Variants in LRP5 observed in about 807,000 individuals in gnomAD.
LRP5 encodes LDL receptor related protein 5, also known as low-density lipoprotein receptor-related protein 5.
In LRP5, 62 loss-of-function variants were observed where a neutral mutation model predicts 154.1. The ratio of observed to expected loss-of-function variants is 0.40; its 90% CI spans 0.33 to 0.50. The LOEUF (loss-of-function observed/expected upper bound fraction) is 0.50. Among genes scored for constraint, LRP5 ranks in the 20% least tolerant of loss-of-function variants. The probability of loss-of-function intolerance (pLI) is 0.55; values close to 1 mark genes in which losing one functional copy is unlikely to be tolerated. For synonymous variants in LRP5, 966 were observed against 1,011.5 expected (o/e 0.96, Z 0.85); for missense variants, 1,915 against 2,336.7 (o/e 0.82, Z 3.72).
chr11:68,402,515 A>T (rs2153162302), intron 7 of LRP5, among the ~76,000 whole-genome samples: 1 of 152,260 alleles, frequency 6.6e-6, no homozygotes, highest in Non-Finnish European at 1.5e-5. Context: ...GCGGGAAATG[A>T]GTTCACAGAG....
At chr11:68,299,675 T>C in the LRP5 span, among the ~76,000 whole-genome samples, 1 of 149,090 alleles carries the variant, frequency 6.7e-6, no homozygotes, top group African/African-American at 2.5e-5. Context: ...CTCCAGGTCA[T>C]GGGTTCAAGC....
intron 3 of LRP5, among the ~76,000 whole-genome samples, chr11:68,361,553 T>C (rs1468802252): frequency 6.2e-5 from 9 of 145,976 alleles, no homozygotes; most frequent in East Asian, 2.1e-4. Context: ...AGGAGAATGG[T>C]GTGAACCCGG....
chr11:68,438,967 T>C (rs1477595990), intron 20 of LRP5, among the ~76,000 whole-genome samples: 1 of 152,180 alleles, frequency 6.6e-6, no homozygotes, highest in Non-Finnish European at 1.5e-5. Context: ...TGCTGTGTTG[T>C]CCACAAATCC....
chr11:68,337,570 C>T (rs1298196154), intron 1 of LRP5, among the ~76,000 whole-genome samples: 1 of 151,774 alleles, frequency 6.6e-6, no homozygotes, highest in African/African-American at 2.4e-5. Flanking sequence ...ACAGCCAGGT[C>T]TACCCACAGT....
intron 18 of LRP5, 84 bp downstream of exon 18, chr11:68,433,922 G>A: frequency 7.6e-7 from 1 of 1,313,238 alleles, no homozygotes; most frequent in Non-Finnish European, 1.1e-6. Context: ...CGGCCTCACA[G>A]GAGTAGGGGC....
chr11:68,431,884 T>TG (rs3837372), intron 17 of LRP5, among the ~76,000 whole-genome samples: 88,963 of 152,096 alleles, frequency 0.58, 29,035 homozygotes, highest in South Asian at 0.78. Context: ...GCCTGGGCCC[T>TG]GGCCCTCCTG....
At chr11:68,313,947 G>A (rs1012155065) in intron 1 of LRP5, among the ~76,000 whole-genome samples, 1 of 152,218 alleles carries the variant, frequency 6.6e-6, no homozygotes, top group African/African-American at 2.4e-5. Flanking sequence ...GGGAACAGGA[G>A]GAGCTTGGAG....
Position 68,426,003 on chromosome 11 carries a change from C to T in LRP5, c.3453C>T (p.Asp1151=), listed in dbSNP as rs147175387. 1.1e-4 allele frequency: 181 copies of T among 1,612,564 alleles called. No homozygotes were observed. Among genetic ancestry groups the T allele is most frequent in the Middle Eastern group, 6.6e-4 (4 of 6,062 alleles). Reference sequence around the variant, plus strand: ...GGGCCAACCGCCTGACCCTGGAGGACGCCAACATCGTGCAGCCTCTGGGCC... The same window carrying T: ...GGGCCAACCGCCTGACCCTGGAGGATGCCAACATCGTGCAGCCTCTGGGCC... ...LSGANRLTLE[D]ANIVQPLGLT... Residue 1151 remains aspartate (D), a synonymous_variant, in exon 16 of 23, where the codon GAC becomes GAT. Coordinates refer to ENST00000294304, the MANE Select transcript of LRP5 (RefSeq NM_002335.4).
intron 1 of LRP5, among the ~76,000 whole-genome samples, chr11:68,317,867 C>T (rs1335923469): frequency 6.6e-6 from 1 of 152,086 alleles, no homozygotes; most frequent in Non-Finnish European, 1.5e-5. Flanking sequence ...AGAGGTTCCG[C>T]CACAGGGACA....
chr11:68,334,059 C>A (rs1476809005), intron 1 of LRP5, among the ~76,000 whole-genome samples: 1 of 152,120 alleles, frequency 6.6e-6, no homozygotes, highest in African/African-American at 2.4e-5. Context: ...CATGGTGAAA[C>A]CCCATCTCTA....
chr11:68,417,780 C>T (rs1423687670), intron 13 of LRP5, among the ~76,000 whole-genome samples: 1 of 151,340 alleles, frequency 6.6e-6, no homozygotes, highest in African/African-American at 2.4e-5. Context: ...ACTGAATATA[C>T]AAAAATCAGC....
chr11:68,416,639 G>A (rs1317823829), intron 13 of LRP5, 112 bp downstream of exon 13: 2 of 1,009,798 alleles, frequency 2.0e-6, no homozygotes, highest in Non-Finnish European at 3.0e-6. Flanking sequence ...GGATGGCTCT[G>A]GGTGAATGAT....
rs188857585 is a variant in LRP5, at chr11:68,331,895, G to A, written c.92-15952G>A. Among the ~76,000 whole-genome samples the A allele has an allele frequency of 4.6e-5, 7 of 152,254 alleles. No individual in the cohort carries two copies. In the South Asian group the frequency reaches 6.2e-4, roughly 14 times the overall value. On this transcript the variant is annotated intron_variant, in intron 1 of 22. Coordinates refer to ENST00000294304, the MANE Select transcript of LRP5 (RefSeq NM_002335.4). ...CAGGTTCCAGGTTGCATTGAGAGCC[G>A]AAGCTGGTGAGTGTGAGGCGGGCAG...
intron 16 of LRP5, among the ~76,000 whole-genome samples, chr11:68,427,804 C>T (rs987266351): frequency 6.6e-6 from 1 of 152,118 alleles, no homozygotes; most frequent in Admixed American, 6.6e-5. Context: ...GGGAACAGAG[C>T]GTCTTCTGTC....
upstream of LRP5, among the ~76,000 whole-genome samples, chr11:68,309,232 C>CCT (rs1565306660): frequency 7.0e-6 from 1 of 143,282 alleles, no homozygotes; most frequent in Non-Finnish European, 1.5e-5. Context: ...CTCATCTGGC[C>CCT]TTTTTTTTCT....
intron 5 of LRP5, among the ~76,000 whole-genome samples, chr11:68,382,306 T>C (rs903423652): frequency 6.6e-6 from 1 of 152,126 alleles, no homozygotes; most frequent in African/African-American, 2.4e-5. Flanking sequence ...TAGGGCTGGG[T>C]GTGCTCAGCC....
intron 1 of LRP5, among the ~76,000 whole-genome samples, chr11:68,336,459 C>T (rs2153122787): frequency 1.3e-5 from 2 of 152,166 alleles, no homozygotes; most frequent in South Asian, 4.2e-4. Flanking sequence ...TTTGCATTTA[C>T]CTATTTTTAT....
At chr11:68,361,719 G>T (rs2098628233) in intron 3 of LRP5, among the ~76,000 whole-genome samples, 1 of 152,182 alleles carries the variant, frequency 6.6e-6, no homozygotes, top group Admixed American at 6.5e-5. Context: ...CTACTCAGGA[G>T]GCTGAGGCAG....
intron 1 of LRP5, among the ~76,000 whole-genome samples, chr11:68,322,636 G>A (rs1219085272): frequency 2.0e-5 from 3 of 152,240 alleles, no homozygotes; most frequent in South Asian, 2.1e-4. Flanking sequence ...CTTCGTCTGC[G>A]CCCCTCTGCC....
Sources: allele counts gnomAD v4.1 joint callset (sites outside exome capture counted in the v4.1 genomes callset), GRCh38; gene constraint gnomAD v4.1.1; transcripts MANE v1.5; gene names NCBI Gene and HGNC (gene_info 2026-07-23, HGNC 2026-07-21).